STAT4: variants seen among roughly 807,000 people sequenced by gnomAD.
The protein encoded by STAT4 is signal transducer and activator of transcription 4.
STAT4 carries 42 observed loss-of-function variants against 110.5 expected under a neutral mutation model. The ratio of observed to expected loss-of-function variants is 0.38; its 90% confidence interval spans 0.30 to 0.49. STAT4 has a LOEUF of 0.49. Among genes scored for constraint, STAT4 ranks in the 20% least tolerant of loss-of-function variants. STAT4 has a pLI of 0.95. For synonymous variants in STAT4, 284 were observed against 302.2 expected, an observed-to-expected ratio of 0.94 and a Z score of 0.63; for missense variants, 632 against 887.9, an observed-to-expected ratio of 0.71 and a Z score of 3.66.
At chr2:191,119,210 A>C (rs1411276969) in intron 3 of STAT4, among the ~76,000 whole-genome samples, 1 of 152,222 alleles carries the variant, frequency 6.6e-6, no homozygotes, top group Non-Finnish European at 1.5e-5. Context: ...ACGTCCAATT[A>C]GTAGGTGAAT....
At chr2:191,108,213 C>T (rs926858060) in intron 3 of STAT4, among the ~76,000 whole-genome samples, 1 of 151,716 alleles carries the variant, frequency 6.6e-6, no homozygotes, top group Non-Finnish European at 1.5e-5. Context: ...ATCTGTTGAA[C>T]CCGGGAGGTA....
intron 3 of STAT4, among the ~76,000 whole-genome samples, chr2:191,095,070 T>C (rs936497346): frequency 2.6e-5 from 4 of 152,124 alleles, no homozygotes; most frequent in Non-Finnish European, 5.9e-5. Context: ...TAAACATATA[T>C]GCACCCAATA....
intron 5 of STAT4, among the ~76,000 whole-genome samples, chr2:191,070,832 C>T (rs1181457763): frequency 6.7e-6 from 1 of 149,864 alleles, no homozygotes; most frequent in East Asian, 2.0e-4. Context: ...TGCATTTTAG[C>T]TTCTTTGCCT....
chr2:191,066,429 C>A lies in STAT4; in HGVS notation c.630+1G>T. On this transcript the variant is annotated splice_donor_variant, in intron 7 of 23. Transcript: ENST00000392320. LOFTEE classifies it high-confidence loss of function. This position sits in a 1 kb window ranked among gnomAD's most constrained non-coding sequence, Gnocchi z 4.3. ...AGCCCAAATTAAAATTCTTCACTAACCTTTCTCTTGAAATCGAGGCTGTTA... is the reference window on the plus strand; with the variant it reads ...AGCCCAAATTAAAATTCTTCACTAAACTTTCTCTTGAAATCGAGGCTGTTA... 1.9e-6 allele frequency: 3 copies of A among 1,612,662 alleles called. No homozygotes were observed. The highest frequency in any genetic ancestry group is 2.5e-6 in the Non-Finnish European group (3 of 1,179,044).
rs1436306333 is a variant in STAT4, at chr2:191,143,358, G to A, written c.273+3255C>T. ...TACACTGCTGAGGAAACTGAGGCCA[G>A]AGTGTGTGAATATCTTACTCAGGGC... On this transcript the variant is annotated intron_variant, in intron 3 of 23. Transcript: ENST00000392320. The surrounding 1 kb of genome is among the most constrained non-coding windows in gnomAD (Gnocchi z 5.6). Among the ~76,000 whole-genome samples the A allele has an allele frequency of 6.6e-6, 1 of 152,198 alleles. No homozygotes were observed. The highest frequency in any genetic ancestry group is 1.9e-4 in the East Asian group (1 of 5,202).
At chr2:191,141,576 T>C (rs1559085814) in intron 3 of STAT4, among the ~76,000 whole-genome samples, 6 of 137,058 alleles carry the variant, frequency 4.4e-5, no homozygotes, top group African/African-American at 2.7e-5. Context: ...ATATGATATA[T>C]ATACATATAC....
intron 4 of STAT4, among the ~76,000 whole-genome samples, chr2:191,075,709 G>A (rs1697295167): frequency 6.6e-6 from 1 of 152,110 alleles, no homozygotes; most frequent in African/African-American, 2.4e-5. Flanking sequence ...GCATGGGGGT[G>A]AAGAAAAGGA....
In STAT4 at chr2:191,046,071, C is replaced by G. The variant is rs1441681196; in HGVS notation, c.1252-4923G>C. ...GGGGATGCTTACACTATGCAAAACA[C>G]GAGACAACTGAAGAATCTACAACTT... is the stretch of plus-strand genomic sequence containing the variant. On this transcript the variant is annotated intron_variant, in intron 14 of 23. Transcript: ENST00000392320. The surrounding 1 kb of genome is among the most constrained non-coding windows in gnomAD (Gnocchi z 4.6). 6.6e-6 allele frequency among the ~76,000 whole-genome samples: 1 copy of G among 152,140 alleles called. No individual in the cohort carries two copies. The highest frequency in any genetic ancestry group is 1.5e-5 in the Non-Finnish European group (1 of 68,022).
In STAT4 at chr2:191,110,911, G is replaced by A. The variant is rs1330173606; in HGVS notation, c.274-34586C>T. On this transcript the variant is annotated intron_variant, in intron 3 of 23. Coordinates refer to ENST00000392320, the MANE Select transcript of STAT4 (RefSeq NM_003151.4). The surrounding 1 kb of genome is among the most constrained non-coding windows in gnomAD (Gnocchi z 4.5). ...CGATTCCCCTGCCTCAGCCTCCTGA[G>A]TTGCCGGGATTACAGGTGGGTGACA... 6.6e-6 allele frequency among the ~76,000 whole-genome samples: 1 copy of A among 152,110 alleles called. No homozygotes were observed. The highest frequency in any genetic ancestry group is 6.5e-5 in the Admixed American group (1 of 15,268).
At chr2:191,034,223 C>A (rs3024891) in intron 18 of STAT4, among the ~76,000 whole-genome samples, 1,749 of 151,936 alleles carry the variant, frequency 0.012, 37 homozygotes, top group African/African-American at 0.04. Context: ...GAGATTGAGA[C>A]CATCCTGACT....
intron 16 of STAT4, among the ~76,000 whole-genome samples, 153 bp from the exon 17 acceptor site, chr2:191,036,452 T>G (rs866540486): frequency 6.6e-6 from 1 of 152,184 alleles, no homozygotes; most frequent in African/African-American, 2.4e-5. Flanking sequence ...TAACTGTTTC[T>G]CTAAAGTCAT....
chr2:191,075,835 TTC>T (rs1197582449), intron 4 of STAT4, among the ~76,000 whole-genome samples: 6 of 134,996 alleles, frequency 4.4e-5, no homozygotes, highest in African/African-American at 2.1e-4. Context: ...CTTTCTTTCT[TTC>T]TTTTTTTTTT....
rs1696858893 is a variant in STAT4 at position 191,061,890 on chromosome 2, G to A, written c.942-69C>T. On this transcript the variant is annotated intron_variant, in intron 9 of 23. Coordinates refer to ENST00000392320, the MANE Select transcript of STAT4 (RefSeq NM_003151.4). The surrounding 1 kb of genome is among the most constrained non-coding windows in gnomAD (Gnocchi z 6.2). Reference sequence around the variant, plus strand: ...AATATTGAGACTGAAAACCACAGAGGAACAGGATGCTATCCACTCAAAGTC... The same window carrying A: ...AATATTGAGACTGAAAACCACAGAGAAACAGGATGCTATCCACTCAAAGTC... 2.1e-6 allele frequency: 3 copies of A among 1,447,250 alleles called. No individual in the cohort carries two copies. The highest frequency in any genetic ancestry group is 1.4e-5 in the African/African-American group (1 of 70,544). The allele number at this position is 1,447,250 out of a possible 1,614,324, so 89.7% of individuals were successfully genotyped here.
chr2:191,044,848 T>G (rs967432142), intron 14 of STAT4, among the ~76,000 whole-genome samples: 1 of 152,134 alleles, frequency 6.6e-6, no homozygotes, highest in African/African-American at 2.4e-5. Context: ...GCTTAATTAG[T>G]GACAAGTATG....
At position 191,117,604 on chromosome 2, in the gene STAT4, A is replaced by G. The variant is rs1698605772; in HGVS notation, c.273+29009T>C. ...AACTCGATGTGGATTTTAATGACACATAGAGAAGGACATGGGCTGCAACTT... is the reference window on the plus strand; with the variant it reads ...AACTCGATGTGGATTTTAATGACACGTAGAGAAGGACATGGGCTGCAACTT... On this transcript the variant is annotated intron_variant, in intron 3 of 23. Transcript: ENST00000392320. This position sits in a 1 kb window ranked among gnomAD's most constrained non-coding sequence, Gnocchi z 5.2. 1.3e-5 allele frequency among the ~76,000 whole-genome samples: 2 copies of G among 152,210 alleles called. No homozygotes were observed. Among genetic ancestry groups the G allele is most frequent in the Admixed American group, 6.5e-5 (1 of 15,276 alleles).
intron 16 of STAT4, among the ~76,000 whole-genome samples, chr2:191,038,582 T>C (rs991304132): frequency 2.6e-5 from 4 of 152,200 alleles, no homozygotes; most frequent in African/African-American, 4.8e-5. Context: ...GGGGAAGTGC[T>C]GACTCATCTT....
Position 191,097,288 on chromosome 2 carries a change from C to A in STAT4, c.274-20963G>T, listed in dbSNP as rs181313229. Among the ~76,000 whole-genome samples the A allele has an allele frequency of 2.3e-4, 35 of 152,162 alleles. No homozygotes were observed. In the East Asian group the frequency reaches 4.2e-3, roughly 18 times the overall value. On this transcript the variant is annotated intron_variant, in intron 3 of 23. Transcript: ENST00000392320. Reference sequence around the variant, plus strand: ...AAACTACTTTGAAGTTTTTATGGAACCAAAAAAGAGCCCGCATTGCCAAGT... The same window carrying A: ...AAACTACTTTGAAGTTTTTATGGAAACAAAAAAGAGCCCGCATTGCCAAGT...
At chr2:191,133,519 A>ATG (rs1699099285) in intron 3 of STAT4, among the ~76,000 whole-genome samples, 1 of 151,700 alleles carries the variant, frequency 6.6e-6, no homozygotes, top group Non-Finnish European at 1.5e-5. Flanking sequence ...TTCCATCTGC[A>ATG]TATATACATG....
chr2:191,125,444 T>C lies in STAT4; in HGVS notation c.273+21169A>G, dbSNP rs1243666231. ...GTAATAGACAACTGGAAATTGACTA[T>C]CTACTGAGCCATTGGCTGTGGATCC... On this transcript the variant is annotated intron_variant, in intron 3 of 23. Coordinates refer to ENST00000392320, the MANE Select transcript of STAT4 (RefSeq NM_003151.4). Among the ~76,000 whole-genome samples the C allele has an allele frequency of 2.2e-5, 3 of 138,580 alleles. No individual in the cohort carries two copies. The East Asian group carries it at 6.4e-4, about 29-fold the overall frequency. The allele number at this position is 138,580 out of a possible 152,430, so 90.9% of individuals were successfully genotyped here.
Sources: gnomAD v4.1 joint callset for allele counts (sites outside exome capture counted in the v4.1 genomes callset) on GRCh38, gnomAD v4.1.1 for gene constraint, Gnocchi (gnomAD v3.1) non-coding constraint, MANE v1.5 for transcripts, NCBI Gene and HGNC (gene_info 2026-07-23, HGNC 2026-07-21) for gene names.